AP2M1: variants seen among roughly 807,000 people sequenced by gnomAD.
The protein encoded by AP2M1 is adaptor related protein complex 2 subunit mu 1, also known as AP-2 complex subunit mu.
Under a neutral mutation model 54.5 loss-of-function variants are expected in AP2M1, and 5 were observed. The observed-to-expected ratio is 0.09, with a 90% CI of 0.05 to 0.19. AP2M1 has a LOEUF of 0.19. AP2M1 is among the 10% of genes least tolerant of loss of function. The probability of loss-of-function intolerance (pLI) is 1.00; values close to 1 mark genes in which losing one functional copy is unlikely to be tolerated. For synonymous variants in AP2M1, 186 were observed against 208.2 expected, an observed-to-expected ratio of 0.89 and a Z score of 0.92; for missense variants, 178 against 580.2, an observed-to-expected ratio of 0.31 and a Z score of 7.12.
At chr3:184,177,584 G>T (rs1427404031) in intron 2 of AP2M1, 2 of 1,535,908 alleles carry the variant, frequency 1.3e-6, no homozygotes, top group African/African-American at 2.7e-5. Flanking sequence ...AGTTCCTCTG[G>T]CCCATTCCCT....
At position 184,180,281 on chromosome 3, in the gene AP2M1, G is replaced by A. The variant is rs1715227664; in HGVS notation, c.423+30G>A. 6.2e-7 allele frequency: 1 copy of A among 1,610,612 alleles called. No homozygotes were observed. Among genetic ancestry groups the A allele is most frequent in the African/African-American group, 1.3e-5 (1 of 74,870 alleles). On this transcript the variant is annotated intron_variant, in intron 4 of 11. Transcript: ENST00000292807. This position sits in a 1 kb window ranked among gnomAD's most constrained non-coding sequence, Gnocchi z 4.9. ...TTGAATTGTGCAGACTATAGTCAGG[G>A]TGGAGTCCAATCTCCCTTCATCTCA...
In AP2M1 at chr3:184,180,476, C is replaced by T. The variant is rs1400120359; in HGVS notation, c.424-169C>T. The T allele has an allele frequency of 3.4e-6, 4 of 1,180,918 alleles. No homozygotes were observed. The highest frequency in any genetic ancestry group is 2.9e-5 in the South Asian group (2 of 69,048). 73.2% of individuals were successfully genotyped at this position (1,180,918 alleles called of 1,614,324 possible). A position where few individuals can be genotyped will look rare whatever the true frequency, so the allele number is the denominator to read the frequency against. Reference sequence around the variant, plus strand: ...ACCAGGAATACAGCTCAAGCAGTTTCCTTTTGCACTGAGGGGTGGGGGAGG... The same window carrying T: ...ACCAGGAATACAGCTCAAGCAGTTTTCTTTTGCACTGAGGGGTGGGGGAGG... On this transcript the variant is annotated intron_variant, in intron 4 of 11. Coordinates refer to ENST00000292807, the MANE Select transcript of AP2M1 (RefSeq NM_004068.4). The surrounding 1 kb of genome is among the most constrained non-coding windows in gnomAD (Gnocchi z 4.9).
In AP2M1 at chr3:184,179,172, A is replaced by C. The variant is rs773307248; in HGVS notation, c.340+50A>C. 5.6e-6 allele frequency: 9 copies of C among 1,597,358 alleles called. No individual in the cohort carries two copies. In the South Asian group the frequency reaches 9.0e-5, roughly 16 times the overall value. On this transcript the variant is annotated intron_variant, in intron 3 of 11. Transcript: ENST00000292807. Reference sequence around the variant, plus strand: ...AGCGGGCGTAGGGTGGGAAAAAACCAGGCTGGGCCTGGCCTGAAGGTGGGT... The same window carrying C: ...AGCGGGCGTAGGGTGGGAAAAAACCCGGCTGGGCCTGGCCTGAAGGTGGGT...
Position 184,180,122 on chromosome 3 carries a change from A to T in AP2M1, c.341-47A>T. The T allele has an allele frequency of 6.3e-7, 1 of 1,595,044 alleles. No homozygotes were observed. The highest frequency in any genetic ancestry group is 8.6e-7 in the Non-Finnish European group (1 of 1,163,590). ...ATGTGTAGGCCCAAGTAGGGGCTGG[A>T]ATGAAGAAGCTCTGTCCAGGGGCTG... On this transcript the variant is annotated intron_variant, in intron 3 of 11. Coordinates refer to ENST00000292807, the MANE Select transcript of AP2M1 (RefSeq NM_004068.4). This position sits in a 1 kb window ranked among gnomAD's most constrained non-coding sequence, Gnocchi z 4.9.
In AP2M1 at chr3:184,180,153, T is replaced by C. The variant is rs1262605702; in HGVS notation, c.341-16T>C. 1.2e-6 allele frequency: 2 copies of C among 1,613,764 alleles called. No individual in the cohort carries two copies. The highest frequency in any genetic ancestry group is 1.7e-6 in the Non-Finnish European group (2 of 1,179,768). On this transcript the variant is annotated splice_polypyrimidine_tract_variant and intron_variant, in intron 3 of 11. Transcript: ENST00000292807. The surrounding 1 kb of genome is among the most constrained non-coding windows in gnomAD (Gnocchi z 4.9). ...GAAGCTCTGTCCAGGGGCTGATGGT[T>C]CCCTTCTTTTTGCAGAGATTCTAGA...
In AP2M1 at chr3:184,174,970, G is replaced by C. The variant is rs1019573441; in HGVS notation, c.-44+11G>C. On this transcript the variant is annotated intron_variant, in intron 1 of 11. Transcript: ENST00000292807. ...GGCCGAGGACACCAGGTGAGCCGGG[G>C]ATCTGGCCTTATGGCGTGGAGGAGG... The C allele has an allele frequency of 2.5e-6, 1 of 398,620 alleles. No individual in the cohort carries two copies. The highest frequency in any genetic ancestry group is 4.4e-6 in the Non-Finnish European group (1 of 226,176). 24.7% of individuals were successfully genotyped at this position (398,620 alleles called of 1,614,324 possible).
intron 2 of AP2M1, chr3:184,177,890 G>A (rs1364401144): frequency 3.4e-6 from 2 of 594,218 alleles, no homozygotes; most frequent in East Asian, 5.6e-5. Flanking sequence ...CTCTTCATTT[G>A]GCTCCCTGGC....
In AP2M1 at chr3:184,174,927, C is replaced by T. The variant is rs888306153; in HGVS notation, c.-76C>T. ...GACATCTTGGGATCCGGAGAGTGGCCGGGCCGGCAGAGCAGGGGGCCGAGG... is the reference window on the plus strand; with the variant it reads ...GACATCTTGGGATCCGGAGAGTGGCTGGGCCGGCAGAGCAGGGGGCCGAGG... On this transcript the variant is annotated 5_prime_UTR_variant, in exon 1 of 12. Coordinates refer to ENST00000292807, the MANE Select transcript of AP2M1 (RefSeq NM_004068.4). The T allele has an allele frequency of 3.3e-5, 13 of 398,404 alleles. No homozygotes were observed. Among genetic ancestry groups the T allele is most frequent in the Middle Eastern group, 1.2e-3 (2 of 1,614 alleles). 24.7% of individuals were successfully genotyped at this position (398,404 alleles called of 1,614,324 possible).
In AP2M1 at chr3:184,180,233, G is replaced by A. The variant is rs142792134; in HGVS notation, c.405G>A (p.Gln135=). ...GCGCGCTGAAAACCTTCATCACGCA[G>A]CAGGGCATCAAGAGTCAGGTACTTG... ...ETGALKTFIT[Q]QGIKSQHQTK... Residue 135 remains glutamine, a synonymous_variant, in exon 4 of 12, where the codon CAG becomes CAA. Transcript: ENST00000292807. The surrounding 1 kb of genome is among the most constrained non-coding windows in gnomAD (Gnocchi z 4.9). 6.2e-6 allele frequency: 10 copies of A among 1,614,176 alleles called. No individual in the cohort carries two copies. The highest frequency in any genetic ancestry group is 8.5e-6 in the Non-Finnish European group (10 of 1,180,030).
Position 184,183,623 on chromosome 3 carries a change from C to G in AP2M1, c.*7C>G, listed in dbSNP as rs199951754. 40 of 1,611,260 alleles carry G rather than the reference C, an allele frequency of 2.5e-5. 1 individual carries two copies. In the Middle Eastern group the frequency reaches 5.8e-4, roughly 23 times the overall value. On this transcript the variant is annotated 3_prime_UTR_variant, in exon 12 of 12. Coordinates refer to ENST00000292807, the MANE Select transcript of AP2M1 (RefSeq NM_004068.4). The surrounding 1 kb of genome is among the most constrained non-coding windows in gnomAD (Gnocchi z 5.7). Reference sequence around the variant, plus strand: ...TTATGAAACTCGCTGCTAGCTGCCACTAGGCAGCTAGCCCACCTCCCCAGC... The same window carrying G: ...TTATGAAACTCGCTGCTAGCTGCCAGTAGGCAGCTAGCCCACCTCCCCAGC...
At position 184,174,859 on chromosome 3, in the gene AP2M1, C is replaced by T. The variant is rs990038284; in HGVS notation, c.-144C>T. 13 of 397,648 alleles carry T rather than the reference C, an allele frequency of 3.3e-5. No homozygotes were observed. Among genetic ancestry groups the T allele is most frequent in the African/African-American group, 2.7e-4 (13 of 48,554 alleles). 24.6% of individuals were successfully genotyped at this position (397,648 alleles called of 1,614,324 possible). ...GGGCCGGGGCGGGGCGGCGGCACTG[C>T]GGTGAAAGCCGAGGCAGCGGGCAGA... is the stretch of plus-strand genomic sequence containing the variant. On this transcript the variant is annotated 5_prime_UTR_variant, in exon 1 of 12. Transcript: ENST00000292807.
chr3:184,182,691 A>G lies in AP2M1; in HGVS notation c.1062-66A>G. 1 of 1,438,248 alleles carries G rather than the reference A, an allele frequency of 7.0e-7. No homozygotes were observed. The allele number at this position is 1,438,248 out of a possible 1,614,324, so 89.1% of individuals were successfully genotyped here. On this transcript the variant is annotated intron_variant, in intron 10 of 11. Coordinates refer to ENST00000292807, the MANE Select transcript of AP2M1 (RefSeq NM_004068.4). This position sits in a 1 kb window ranked among gnomAD's most constrained non-coding sequence, Gnocchi z 5.5. ...GCTCCTGGGCTCTCTCCTTGCTTGA[A>G]ATGGGCAACTGCCCTTGAAACTCCT...
In AP2M1 at chr3:184,182,775, C is replaced by T; in HGVS notation, c.1080C>T (p.Gly360=). The change falls in exon 11 of 12, where the codon GGC becomes GGT. Residue 360 remains glycine (G), a synonymous_variant. Coordinates refer to ENST00000292807, the MANE Select transcript of AP2M1 (RefSeq NM_004068.4). The surrounding 1 kb of genome is among the most constrained non-coding windows in gnomAD (Gnocchi z 5.5). ...TTCCCAGGATCAAGCGCATGGCAGG[C>T]ATGAAGGAATCGCAGATCAGCGCAG... ...AIVWKIKRMA[G]MKESQISAEI... The T allele has an allele frequency of 6.2e-7, 1 of 1,614,052 alleles. No homozygotes were observed.
rs547671024 is a variant in AP2M1, at chr3:184,182,373, G to T, written c.1061+125G>T. 1 of 1,027,460 alleles carries T rather than the reference G, an allele frequency of 9.7e-7. No individual in the cohort carries two copies. The highest frequency in any genetic ancestry group is 1.6e-5 in the African/African-American group (1 of 61,858). The allele number at this position is 1,027,460 out of a possible 1,614,324, so 63.6% of individuals were successfully genotyped here. A position where few individuals can be genotyped will look rare whatever the true frequency, so the allele number is the denominator to read the frequency against. ...CCTGTTTGCTTTTCTAGGAGCCTCT[G>T]CTTGTACTGTCAGTCTTTATACCTC... On this transcript the variant is annotated intron_variant, in intron 10 of 11. Coordinates refer to ENST00000292807, the MANE Select transcript of AP2M1 (RefSeq NM_004068.4). This position sits in a 1 kb window ranked among gnomAD's most constrained non-coding sequence, Gnocchi z 5.5.
At chr3:184,175,270 A>C (rs909799848) in intron 1 of AP2M1, among the ~76,000 whole-genome samples, 1 of 150,934 alleles carries the variant, frequency 6.6e-6, no homozygotes, top group Non-Finnish European at 1.5e-5. Context: ...CCAACCCCCT[A>C]CCCCTCCGCG....
chr3:184,175,553 T>A (rs974790948), intron 1 of AP2M1, among the ~76,000 whole-genome samples: 1 of 152,308 alleles, frequency 6.6e-6, no homozygotes, highest in African/African-American at 2.4e-5. Flanking sequence ...TATTCACCAC[T>A]GTCAGTTCCC....
At position 184,178,849 on chromosome 3, in the gene AP2M1, T is replaced by TC. The variant is rs1374951499; in HGVS notation, c.75-5dup. 34 of 1,613,122 alleles carry TC rather than the reference T, an allele frequency of 2.1e-5. No homozygotes were observed. Among genetic ancestry groups the TC allele is most frequent in the Non-Finnish European group, 2.6e-5 (31 of 1,179,612 alleles). Reference sequence around the variant, plus strand: ...GCTGAGCAGGCCCTATGCACTCTTTTCCCTCAGGAGGAACGCAGTGGATGC... The same window carrying TC: ...GCTGAGCAGGCCCTATGCACTCTTTTCCCCTCAGGAGGAACGCAGTGGATGC... On this transcript the variant is annotated splice_polypyrimidine_tract_variant and splice_region_variant and intron_variant, in intron 2 of 11. Transcript: ENST00000292807. This position sits in a 1 kb window ranked among gnomAD's most constrained non-coding sequence, Gnocchi z 4.9.
chr3:184,177,565 G>C, intron 2 of AP2M1: 1 of 1,536,046 alleles, frequency 6.5e-7, no homozygotes, highest in Non-Finnish European at 8.7e-7. Flanking sequence ...TGCTGACTCA[G>C]CTGTCTTCAG....
At chr3:184,175,889 C>T (rs372418602) in intron 1 of AP2M1, among the ~76,000 whole-genome samples, 1 of 152,206 alleles carries the variant, frequency 6.6e-6, no homozygotes, top group Admixed American at 6.5e-5. Flanking sequence ...CCGCTCACCC[C>T]TCTGGAAGAC....
Sources: gnomAD v4.1 joint callset for allele counts (sites outside exome capture counted in the v4.1 genomes callset) on GRCh38, gnomAD v4.1.1 for gene constraint, Gnocchi (gnomAD v3.1) non-coding constraint, MANE v1.5 for transcripts, NCBI Gene and HGNC (gene_info 2026-07-23, HGNC 2026-07-21) for gene names.